METTL9: variants seen among roughly 807,000 people sequenced by gnomAD.
The protein encoded by METTL9 is protein-L-histidine N-pros-methyltransferase.
Under a neutral mutation model 36.0 loss-of-function variants are expected in METTL9, and 10 were observed. That is an observed-to-expected ratio of 0.28 (90% CI 0.17 to 0.47). The LOEUF (loss-of-function observed/expected upper bound fraction) is 0.47. Ranked by LOEUF, METTL9 falls within the 20% of genes least tolerant of loss-of-function variation. The pLI is 0.99. For missense variants in METTL9, 246 were observed against 383.5 expected, an observed-to-expected ratio of 0.64 and a Z score of 3.00; for synonymous variants, 175 against 149.7, an observed-to-expected ratio of 1.17 and a Z score of -1.23.
upstream of METTL9, among the ~76,000 whole-genome samples, chr16:21,597,793 T>C (rs1435893884): frequency 1.3e-5 from 2 of 152,152 alleles, no homozygotes; most frequent in East Asian, 3.8e-4. Context: ...TCATAGTAAA[T>C]AAACAGTTAT....
intron 1 of METTL9, among the ~76,000 whole-genome samples, chr16:21,602,647 A>G (rs1965164046): frequency 6.9e-6 from 1 of 145,064 alleles, no homozygotes; most frequent in African/African-American, 2.6e-5. Context: ...AATTTATTTC[A>G]GTGTCTACAA....
At chr16:21,650,304 C>T (rs1410059268) in intron 4 of METTL9, among the ~76,000 whole-genome samples, 2 of 151,992 alleles carry the variant, frequency 1.3e-5, no homozygotes, top group East Asian at 1.9e-4. Context: ...GTCAGGCGTT[C>T]GAGACTAGCC....
chr16:21,644,803 T>C (rs1966382604), intron 4 of METTL9, among the ~76,000 whole-genome samples: 1 of 152,220 alleles, frequency 6.6e-6, no homozygotes, highest in African/African-American at 2.4e-5. Flanking sequence ...GATATTTTCA[T>C]ATGTATTTGT....
intron 1 of METTL9, among the ~76,000 whole-genome samples, chr16:21,608,949 G>A (rs16972760): frequency 0.051 from 7,736 of 152,234 alleles, 260 homozygotes; most frequent in African/African-American, 0.088. Context: ...AAAACAACAC[G>A]TACCTGGAGC....
At chr16:21,610,373 A>C (rs957362506) in intron 1 of METTL9, among the ~76,000 whole-genome samples, 1 of 152,180 alleles carries the variant, frequency 6.6e-6, no homozygotes, top group Non-Finnish European at 1.5e-5. Context: ...ATATGAATCT[A>C]TTATCACATC....
chr16:21,634,259 G>A lies in METTL9; in HGVS notation c.751+9144G>A, dbSNP rs534143461. Among the ~76,000 whole-genome samples, 63 of 152,224 alleles carry A rather than the reference G, an allele frequency of 4.1e-4. No individual in the cohort carries two copies. The South Asian group carries it at 0.013, about 31-fold the overall frequency. On this transcript the variant is annotated intron_variant, in intron 4 of 4. Transcript: ENST00000358154. ...TGGCACTCAATAGTTAAGCATACCT[G>A]GGGCTCAGTGAGTATGATGACATGA...
intron 3 of METTL9, among the ~76,000 whole-genome samples, chr16:21,619,699 GT>G (rs1257919128): frequency 2.0e-5 from 3 of 150,622 alleles, no homozygotes; most frequent in Non-Finnish European, 4.4e-5. Flanking sequence ...GCCTCCCAAA[GT>G]GTTGGGATTA....
At chr16:21,609,513 A>G (rs950944576) in intron 1 of METTL9, among the ~76,000 whole-genome samples, 5 of 152,144 alleles carry the variant, frequency 3.3e-5, no homozygotes, top group African/African-American at 1.2e-4. Flanking sequence ...TTTCGTAGGT[A>G]TATTTTCCTT....
At chr16:21,632,425 C>T (rs922320864) in intron 4 of METTL9, among the ~76,000 whole-genome samples, 2 of 152,166 alleles carry the variant, frequency 1.3e-5, no homozygotes, top group Admixed American at 1.3e-4. Flanking sequence ...CCATTCTCCA[C>T]AAATGAACTT....
chr16:21,607,950 A>G (rs1312203483), intron 1 of METTL9, among the ~76,000 whole-genome samples: 1 of 152,158 alleles, frequency 6.6e-6, no homozygotes, highest in Non-Finnish European at 1.5e-5. Context: ...GGAGATCAAG[A>G]CCAGCCTGGC....
intron 4 of METTL9, chr16:21,641,573 A>G (rs759665928): frequency 1.4e-5 from 23 of 1,590,206 alleles, no homozygotes; most frequent in East Asian, 4.5e-5. Context: ...TTCTGTTTTC[A>G]TAAGTGTTGT....
intron 3 of METTL9, among the ~76,000 whole-genome samples, chr16:21,622,153 T>TTTTTTTTTTTTTTTTTTTTTTTTTTG (rs1965718925): frequency 8.4e-6 from 1 of 119,594 alleles, no homozygotes; most frequent in Non-Finnish European, 1.7e-5. Context: ...TTTTTTTTTT[T>TTTTTTTTTTTTTTTTTTTTTTTTTTG]TTTTTTTTTG....
Position 21,600,210 on chromosome 16 carries a change from C to T in METTL9, c.165+312C>T, listed in dbSNP as rs1029402037. ...CCGGGCGGTGACTGCGGACGCCCGG[C>T]AGCGGGACTGGGGAACTTTGGGGCC... On this transcript the variant is annotated intron_variant, in intron 1 of 4. Transcript: ENST00000358154. 2.0e-5 allele frequency among the ~76,000 whole-genome samples: 3 copies of T among 152,146 alleles called. No individual in the cohort carries two copies. The South Asian group carries it at 6.2e-4, about 31-fold the overall frequency.
At chr16:21,630,821 C>G (rs1965940423) in intron 4 of METTL9, among the ~76,000 whole-genome samples, 1 of 152,138 alleles carries the variant, frequency 6.6e-6, no homozygotes, top group African/African-American at 2.4e-5. Flanking sequence ...AGATGGCTGC[C>G]ACAGGACCTA....
intron 1 of METTL9, among the ~76,000 whole-genome samples, chr16:21,611,660 C>T (rs946059150): frequency 6.6e-6 from 1 of 152,142 alleles, no homozygotes; most frequent in Non-Finnish European, 1.5e-5. Context: ...TAATCCTCAT[C>T]GTACCCTGCC....
At chr16:21,641,839 C>G (rs966601182) in intron 4 of METTL9, among the ~76,000 whole-genome samples, 10 of 152,044 alleles carry the variant, frequency 6.6e-5, no homozygotes, top group Admixed American at 6.5e-4. Flanking sequence ...TTACAATTCT[C>G]ACTTCTAAGA....
intron 4 of METTL9, 170 bp from the exon 5 acceptor site, chr16:21,655,057 T>G: frequency 1.6e-6 from 1 of 629,062 alleles, no homozygotes; most frequent in Non-Finnish European, 2.8e-6. Flanking sequence ...AGTCTGTTCT[T>G]TATCTGCCCA....
At chr16:21,617,270 T>G (rs887746675) in intron 2 of METTL9, among the ~76,000 whole-genome samples, 2 of 145,650 alleles carry the variant, frequency 1.4e-5, no homozygotes, top group African/African-American at 5.1e-5. Context: ...TCCAAAAAAT[T>G]AGTCAGGTGT....
chr16:21,601,053 T>C (rs1965112023), intron 1 of METTL9, among the ~76,000 whole-genome samples: 1 of 152,182 alleles, frequency 6.6e-6, no homozygotes, highest in Non-Finnish European at 1.5e-5. Flanking sequence ...ATTTAGTCTT[T>C]AGTAATATGT....
Sources: allele counts gnomAD v4.1 joint callset (sites outside exome capture counted in the v4.1 genomes callset), GRCh38; gene constraint gnomAD v4.1.1; transcripts MANE v1.5; gene names NCBI Gene and HGNC (gene_info 2026-07-23, HGNC 2026-07-21).